The following GLB1 variants were observed in gnomAD, a reference collection of about 807,000 sequenced individuals.
The protein encoded by GLB1 is galactosidase beta 1.
Under a neutral mutation model 74.0 loss-of-function variants are expected in GLB1, and 56 were observed. That is an observed-to-expected ratio of 0.76 (90% CI 0.61 to 0.94). The LOEUF (loss-of-function observed/expected upper bound fraction) is 0.94. Ranked by LOEUF, GLB1 falls within the 40% of genes least tolerant of loss-of-function variation. The pLI, the probability that GLB1 is intolerant of heterozygous loss-of-function variation, is 0.00. For missense variants in GLB1, 787 were observed against 845.5 expected (o/e 0.93, Z 0.86); for synonymous variants, 323 against 323.6 (o/e 1.00, Z 0.02).
chr3:33,055,756 T>C (rs1311827512), intron 6 of GLB1, among the ~76,000 whole-genome samples: 1 of 151,054 alleles, frequency 6.6e-6, no homozygotes, highest in African/African-American at 2.4e-5. Context: ...TAGGAGGCAC[T>C]GCGCTGGGCC....
chr3:33,059,771 C>A (rs72856132), intron 5 of GLB1, among the ~76,000 whole-genome samples: 1 of 152,030 alleles, frequency 6.6e-6, no homozygotes, highest in African/African-American at 2.4e-5. Context: ...CATCATACTG[C>A]GCATTTACGT....
chr3:33,069,695 A>G (rs748442987), intron 2 of GLB1, among the ~76,000 whole-genome samples: 1 of 152,202 alleles, frequency 6.6e-6, no homozygotes, highest in Non-Finnish European at 1.5e-5. Flanking sequence ...TTTTATCTCT[A>G]AAGATAACTT....
downstream of GLB1, among the ~76,000 whole-genome samples, chr3:32,995,584 A>G (rs1448458073): frequency 6.6e-6 from 1 of 152,256 alleles, no homozygotes; most frequent in East Asian, 1.9e-4. Flanking sequence ...TCAATCTCAG[A>G]TATTTATTAG....
chr3:33,056,378 T>C (rs1699223000), intron 6 of GLB1, among the ~76,000 whole-genome samples: 1 of 151,914 alleles, frequency 6.6e-6, no homozygotes. Flanking sequence ...TCAGGGTCTT[T>C]ATGCTACTCA....
chr3:32,984,238 A>C, the GLB1 span, among the ~76,000 whole-genome samples: 1 of 151,896 alleles, frequency 6.6e-6, no homozygotes, highest in Non-Finnish European at 1.5e-5. Context: ...GCTCAGCATC[A>C]AGGTACTTGT....
the GLB1 span, among the ~76,000 whole-genome samples, chr3:32,982,261 C>T: frequency 5.5e-5 from 8 of 145,580 alleles, no homozygotes; most frequent in South Asian, 2.2e-4. Flanking sequence ...TGTGGTGAGC[C>T]GAGATGGGAC....
At chr3:32,989,571 C>T in the GLB1 span, among the ~76,000 whole-genome samples, 1 of 152,178 alleles carries the variant, frequency 6.6e-6, no homozygotes, top group African/African-American at 2.4e-5. Flanking sequence ...GCATTCTGCT[C>T]ACCAGAGACA....
chr3:32,966,785 G>A, the GLB1 span, among the ~76,000 whole-genome samples: 1 of 152,144 alleles, frequency 6.6e-6, no homozygotes, highest in African/African-American at 2.4e-5. Flanking sequence ...TTCCCATGTT[G>A]TTCTCATGAT....
chr3:33,073,050 C>T (rs1699944475), intron 1 of GLB1, among the ~76,000 whole-genome samples: 1 of 152,136 alleles, frequency 6.6e-6, no homozygotes, highest in African/African-American at 2.4e-5. Context: ...CATGCACGCA[C>T]ACACGCCATT....
chr3:33,001,316 C>G (rs1696560070), intron 15 of GLB1, among the ~76,000 whole-genome samples: 1 of 152,114 alleles, frequency 6.6e-6, no homozygotes, highest in African/African-American at 2.4e-5. Context: ...CTCCTGCCCT[C>G]AAGCGATCCT....
At chr3:33,079,650 C>T (rs1480443615) in intron 1 of GLB1, among the ~76,000 whole-genome samples, 4 of 152,106 alleles carry the variant, frequency 2.6e-5, no homozygotes, top group African/African-American at 9.7e-5. Flanking sequence ...TGTATATATA[C>T]AAATACACAT....
chr3:33,021,530 T>A, intron 12 of GLB1, 36 bp downstream of exon 12: 1 of 1,604,520 alleles, frequency 6.2e-7, no homozygotes, highest in Non-Finnish European at 8.5e-7. Context: ...CTTTTGCAAG[T>A]AGAAAAAAGG....
the GLB1 span, among the ~76,000 whole-genome samples, chr3:32,981,045 C>T: frequency 1.6e-4 from 20 of 127,536 alleles, no homozygotes; most frequent in South Asian, 1.3e-3. Flanking sequence ...AAGCTGAGAT[C>T]GTGCAACTGC....
intron 10 of GLB1, among the ~76,000 whole-genome samples, chr3:33,026,765 A>G (rs1354424471): frequency 6.6e-6 from 1 of 151,924 alleles, no homozygotes; most frequent in Non-Finnish European, 1.5e-5. Context: ...GGATGGAGGG[A>G]GGATGGGACA....
intron 15 of GLB1, among the ~76,000 whole-genome samples, chr3:33,012,369 C>T (rs9829197): frequency 0.94 from 142,363 of 152,172 alleles, 67,315 homozygotes; most frequent in East Asian, 1. Context: ...GGGGCCCCCT[C>T]TGGGAGGTGA....
intron 9 of GLB1, among the ~76,000 whole-genome samples, 195 bp downstream of exon 9, chr3:33,051,563 C>T (rs1235383775): frequency 2.1e-5 from 3 of 145,476 alleles, no homozygotes; most frequent in Non-Finnish European, 4.5e-5. Context: ...TGAGATTGTA[C>T]CACTGCACTC....
intron 1 of GLB1, among the ~76,000 whole-genome samples, chr3:33,088,041 T>C (rs1451732203): frequency 6.6e-6 from 1 of 152,044 alleles, no homozygotes; most frequent in Non-Finnish European, 1.5e-5. Context: ...AGAGAAAGCA[T>C]GACAAGATTC....
At chr3:33,051,194 T>C (rs1575450373) in intron 9 of GLB1, among the ~76,000 whole-genome samples, 1 of 136,522 alleles carries the variant, frequency 7.3e-6, no homozygotes, top group South Asian at 2.3e-4. Flanking sequence ...GATTTGCACC[T>C]CTGCACTCCA....
chr3:33,065,835 C>T (rs1323210342), intron 4 of GLB1, among the ~76,000 whole-genome samples: 2 of 152,028 alleles, frequency 1.3e-5, no homozygotes, highest in East Asian at 1.9e-4. Context: ...GGCTTGGTGG[C>T]GCATGCCTGT....
Sources: gnomAD v4.1 joint callset for allele counts (sites outside exome capture counted in the v4.1 genomes callset) on GRCh38, gnomAD v4.1.1 for gene constraint, MANE v1.5 for transcripts, NCBI Gene and HGNC (gene_info 2026-07-23, HGNC 2026-07-21) for gene names.